SV2A: variants seen among roughly 807,000 people sequenced by gnomAD.
SV2A encodes the protein solute carrier family 22 member B1.
SV2A carries 25 observed loss-of-function variants against 78.0 expected under a neutral mutation model. The observed-to-expected ratio is 0.32, with a 90% CI of 0.23 to 0.45. SV2A has a LOEUF of 0.45. SV2A is among the 20% of genes least tolerant of loss of function. SV2A has a pLI of 1.00. For missense variants in SV2A, 752 were observed against 971.5 expected, an observed-to-expected ratio of 0.77 and a Z score of 3.00; for synonymous variants, 355 against 384.7, an observed-to-expected ratio of 0.92 and a Z score of 0.90.
chr1:149,909,198 G>T lies in SV2A; in HGVS notation c.1373C>A (p.Ser458Ter). The T allele has an allele frequency of 6.2e-7, 1 of 1,613,708 alleles. No homozygotes were observed. The highest frequency in any genetic ancestry group is 8.5e-7 in the Non-Finnish European group (1 of 1,179,830). The change falls in exon 8 of 13, where the codon TCA (serine) becomes TAA (stop). Residue 458 changes from serine (S) to a stop codon, truncating the protein, a stop_gained. Coordinates refer to ENST00000369146, the MANE Select transcript of SV2A (RefSeq NM_014849.5). LOFTEE classifies it high-confidence loss of function. Reference protein sequence around the residue: ...LMMMGVWFTMSFSYYGLTVWF... With the variant: ...LMMMGVWFTM ...AGCCCACCCATCTCCTCACCTGAAT[G>T]ACATGGTGAACCACACACCCATCAT...
chr1:149,909,774 G>A (rs782186027), intron 6 of SV2A, 27 bp downstream of exon 6: 27 of 1,611,452 alleles, frequency 1.7e-5, no homozygotes, highest in East Asian at 1.3e-4. Flanking sequence ...GGGCGTGGAG[G>A]TCTGAGTCGG....
Position 149,915,521 on chromosome 1 carries a change from C to T in SV2A, c.-347-1334G>A, listed in dbSNP as rs587664912. ...TTGCTTCAGAATGTCATAGATAGGCCCCCTTTCCACAGATGGGGGTGAGAA... is the reference window on the plus strand; with the variant it reads ...TTGCTTCAGAATGTCATAGATAGGCTCCCTTTCCACAGATGGGGGTGAGAA... On this transcript the variant is annotated intron_variant, in intron 1 of 12. Transcript: ENST00000369146. 5.3e-5 allele frequency among the ~76,000 whole-genome samples: 8 copies of T among 152,230 alleles called. No homozygotes were observed. The South Asian group carries it at 1.7e-3, about 32-fold the overall frequency.
chr1:149,915,369 TA>T (rs2092506351), intron 1 of SV2A, among the ~76,000 whole-genome samples: 1 of 152,076 alleles, frequency 6.6e-6, no homozygotes, highest in South Asian at 2.1e-4. Context: ...CTAATTCCAG[TA>T]GCTGGGCCCA....
intron 11 of SV2A, among the ~76,000 whole-genome samples, chr1:149,906,304 T>C (rs2092437826): frequency 6.6e-6 from 1 of 152,132 alleles, no homozygotes; most frequent in African/African-American, 2.4e-5. Context: ...ATCTAGCACA[T>C]CAACCCTATG....
chr1:149,908,254 G>T (rs782559663), intron 8 of SV2A, 48 bp from the exon 9 acceptor site: 30 of 1,585,578 alleles, frequency 1.9e-5, no homozygotes, highest in Non-Finnish European at 2.5e-5. Flanking sequence ...TTCAGACAAG[G>T]CTCAGAGATT....
rs782107503 is a variant in SV2A, at chr1:149,913,805, G to C, written c.36C>G (p.Ile12Met). 39 of 1,612,104 alleles carry C rather than the reference G, an allele frequency of 2.4e-5. No individual in the cohort carries two copies. The highest frequency in any genetic ancestry group is 3.2e-5 in the Non-Finnish European group (38 of 1,178,478). Residue 12 changes from isoleucine to methionine, a missense_variant, in exon 2 of 13, where the codon ATC becomes ATG. By Grantham distance (10) the Ile-to-Met change is conservative (BLOSUM62 1). This residue lies in a region of SV2A where 291 missense variants were observed against 359.5 expected (regional missense o/e 0.81). Coordinates refer to ENST00000369146, the MANE Select transcript of SV2A (RefSeq NM_014849.5). ...CCTTAGCAATGTCTTTGGCCCCACG[G>C]ATGAAAGCTGCCCGGTCTCGGAAGC... Reference protein sequence around the residue: ...EEGFRDRAAFIRGAKDIAKEV... With the variant: ...EEGFRDRAAFMRGAKDIAKEV...
chr1:149,906,168 G>T (rs2092436957), intron 11 of SV2A, 129 bp from the exon 12 acceptor site: 5 of 1,074,130 alleles, frequency 4.7e-6, no homozygotes, highest in South Asian at 1.7e-5. Context: ...TCCAACCAAG[G>T]TATCCAAAAG....
chr1:149,909,834 C>A lies in SV2A; in HGVS notation c.1146G>T (p.Met382Ile), dbSNP rs782676683. ...MVLKQVHDTN[M>I]RAKGHPERVF... Reference sequence around the variant, plus strand: ...CTCGCTCAGGATGTCCTTTGGCTCGCATGTTGGTATCATGGACCTGCTTCA... The same window carrying A: ...CTCGCTCAGGATGTCCTTTGGCTCGAATGTTGGTATCATGGACCTGCTTCA... The change falls in exon 6 of 13, where the codon ATG (methionine) becomes ATT (isoleucine). Residue 382 changes from methionine (M) to isoleucine (I), a missense_variant. Transcript: ENST00000369146. 3 of 1,614,036 alleles carry A rather than the reference C, an allele frequency of 1.9e-6. No homozygotes were observed. The highest frequency in any genetic ancestry group is 2.5e-6 in the Non-Finnish European group (3 of 1,180,016).
chr1:149,908,256 T>C (rs1553763109), intron 8 of SV2A, 50 bp from the exon 9 acceptor site: 1 of 1,585,802 alleles, frequency 6.3e-7, no homozygotes, highest in Admixed American at 1.8e-5. Context: ...CAGACAAGGC[T>C]CAGAGATTAG....
At position 149,913,890 on chromosome 1, in the gene SV2A, T is replaced by C; in HGVS notation, c.-50A>G. On this transcript the variant is annotated 5_prime_UTR_variant, in exon 2 of 13. Coordinates refer to ENST00000369146, the MANE Select transcript of SV2A (RefSeq NM_014849.5). ...GGTCTTCTCCACCTCCTGCTTCTTT[T>C]TCAGCTTTTTGCTCAAGGACTTGTA... is the stretch of plus-strand genomic sequence containing the variant. The C allele has an allele frequency of 6.5e-7, 1 of 1,540,544 alleles. No homozygotes were observed. Among genetic ancestry groups the C allele is most frequent in the South Asian group, 1.3e-5 (1 of 79,234 alleles).
chr1:149,909,407 CCTT>C (rs1196557284), intron 7 of SV2A, 51 bp downstream of exon 7: 24 of 1,571,604 alleles, frequency 1.5e-5, no homozygotes, highest in African/African-American at 1.2e-4. Flanking sequence ...TTCAGTCCTG[CCTT>C]CTTCTCCACT....
chr1:149,905,227 C>T (rs782136952), intron 12 of SV2A, 30 bp from the exon 13 acceptor site: 6 of 1,583,418 alleles, frequency 3.8e-6, no homozygotes, highest in African/African-American at 1.3e-5. Flanking sequence ...TGCAGCACGG[C>T]GCAAGGTACA....
Position 149,906,168 on chromosome 1 carries a change from G to A in SV2A, c.1886-129C>T. 1.1e-5 allele frequency: 12 copies of A among 1,074,134 alleles called. No homozygotes were observed. In the South Asian group the frequency reaches 1.8e-4, roughly 16 times the overall value. 66.5% of individuals were successfully genotyped at this position (1,074,134 alleles called of 1,614,324 possible). A position where few individuals can be genotyped will look rare whatever the true frequency, so the allele number is the denominator to read the frequency against. On this transcript the variant is annotated intron_variant, in intron 11 of 12. Coordinates refer to ENST00000369146, the MANE Select transcript of SV2A (RefSeq NM_014849.5). ...CTTGTTCCGAAGGTATCCAACCAAG[G>A]TATCCAAAAGGAAGGCTTTTCACTC...
intron 1 of SV2A, among the ~76,000 whole-genome samples, chr1:149,915,919 A>T (rs2092510626): frequency 6.6e-6 from 1 of 152,042 alleles, no homozygotes; most frequent in Non-Finnish European, 1.5e-5. Context: ...ACACGCACAC[A>T]CACACACACG....
chr1:149,905,964 A>G lies in SV2A; in HGVS notation c.1961T>C (p.Leu654Pro). Residue 654 changes from leucine (L) to proline (P), a missense_variant, in exon 12 of 13, where the codon CTG (leucine) becomes CCG (proline). Coordinates refer to ENST00000369146, the MANE Select transcript of SV2A (RefSeq NM_014849.5). ...GCTGACCCCGCCAAAAAGGCAGAGCAGAGCGATCATGGCCGACTCACTGTT... is the reference window on the plus strand; with the variant it reads ...GCTGACCCCGCCAAAAAGGCAGAGCGGAGCGATCATGGCCGACTCACTGTT... ...FGNSESAMIA[L>P]LCLFGGVSIA... 6.2e-7 allele frequency: 1 copy of G among 1,614,190 alleles called. No homozygotes were observed. Among genetic ancestry groups the G allele is most frequent in the Non-Finnish European group, 8.5e-7 (1 of 1,180,022 alleles).
rs782421513 is a variant in SV2A, at chr1:149,913,363, C to A, written c.478G>T (p.Gly160Cys). Residue 160 changes from glycine to cysteine, a missense_variant, in exon 2 of 13, where the codon GGC becomes TGC. By Grantham distance (159) the Gly-to-Cys change is radical. Coordinates refer to ENST00000369146, the MANE Select transcript of SV2A (RefSeq NM_014849.5). The part of the protein sequence containing the change: ...QQYEAILREC[G>C]HGRFQWTLYF... ...AGTGTCCACTGGAAGCGGCCGTGGC[C>A]ACACTCCCGTAGGATGGCTTCATAC... is the stretch of plus-strand genomic sequence containing the variant. 1 of 1,614,146 alleles carries A rather than the reference C, an allele frequency of 6.2e-7. No homozygotes were observed. Among genetic ancestry groups the A allele is most frequent in the Non-Finnish European group, 8.5e-7 (1 of 1,180,026 alleles).
At chr1:149,915,912 C>T (rs782340619) in intron 1 of SV2A, among the ~76,000 whole-genome samples, 8 of 151,682 alleles carry the variant, frequency 5.3e-5, no homozygotes, top group African/African-American at 1.7e-4. Flanking sequence ...CACACACACA[C>T]GCACACACAC....
intron 1 of SV2A, among the ~76,000 whole-genome samples, chr1:149,916,122 G>A (rs1429405232): frequency 1.3e-5 from 2 of 152,144 alleles, no homozygotes; most frequent in Non-Finnish European, 2.9e-5. Flanking sequence ...AATCCCCTCA[G>A]CGCATGGCAA....
intron 1 of SV2A, among the ~76,000 whole-genome samples, chr1:149,916,865 A>G (rs1459158006): frequency 2.0e-5 from 3 of 152,108 alleles, no homozygotes; most frequent in Non-Finnish European, 2.9e-5. Context: ...TTAGGAAGAT[A>G]GGAGCACCCA....
Sources: allele counts gnomAD v4.1 joint callset (sites outside exome capture counted in the v4.1 genomes callset), GRCh38; gene constraint gnomAD v4.1.1; regional missense constraint gnomAD v4.1.1; transcripts MANE v1.5; gene names NCBI Gene and HGNC (gene_info 2026-07-23, HGNC 2026-07-21).